Variants in CDK19 observed in about 807,000 individuals in gnomAD.
CDK19 encodes the protein cyclin-dependent kinase 19.
In CDK19, 20 loss-of-function variants were observed where a neutral mutation model predicts 68.3. That is an observed-to-expected ratio of 0.29 (90% CI 0.21 to 0.43). The LOEUF (loss-of-function observed/expected upper bound fraction) is 0.43, where lower values mean the gene tolerates loss of function less well. Ranked by LOEUF, CDK19 falls within the 20% of genes least tolerant of loss-of-function variation. CDK19 has a pLI of 1.00. For synonymous variants in CDK19, 221 were observed against 222.8 expected, an observed-to-expected ratio of 0.99 and a Z score of 0.07; for missense variants, 339 against 623.5, an observed-to-expected ratio of 0.54 and a Z score of 4.86.
chr6:110,718,589 ATAT>A (rs1775582670), intron 2 of CDK19, among the ~76,000 whole-genome samples: 1 of 151,302 alleles, frequency 6.6e-6, no homozygotes, highest in African/African-American at 2.4e-5. Flanking sequence ...GGCTGACATC[ATAT>A]CAGCAATAAC....
intron 2 of CDK19, among the ~76,000 whole-genome samples, chr6:110,741,525 G>C (rs1048650675): frequency 6.8e-6 from 1 of 148,096 alleles, no homozygotes; most frequent in African/African-American, 2.5e-5. Context: ...TTTCAAATTT[G>C]ATGAAAAACA....
At position 110,760,396 on chromosome 6, in the gene CDK19, C is replaced by CAAAAAAAAAAAAAAAAAAAAA. The variant is rs34613571; in HGVS notation, c.129-14216_129-14196dup. Among the ~76,000 whole-genome samples the CAAAAAAAAAAAAAAAAAAAAA allele has an allele frequency of 5.0e-5, 2 of 39,776 alleles. 1 individual carries two copies. Among genetic ancestry groups the CAAAAAAAAAAAAAAAAAAAAA allele is most frequent in the Non-Finnish European group, 8.9e-5 (2 of 22,348 alleles). 26.1% of individuals were successfully genotyped at this position (39,776 alleles called of 152,430 possible). A position where few individuals can be genotyped will look rare whatever the true frequency, so the allele number is the denominator to read the frequency against. On this transcript the variant is annotated intron_variant, in intron 1 of 12. Coordinates refer to ENST00000368911, the MANE Select transcript of CDK19 (RefSeq NM_015076.5). ...TGGGCCACAGAGCAAGGCTTTGTCT[C>CAAAAAAAAAAAAAAAAAAAAA]AAAAAAAAAAAAAAAAAAAAAAAAA...
intron 1 of CDK19, among the ~76,000 whole-genome samples, chr6:110,778,340 A>G (rs1375544428): frequency 6.6e-6 from 1 of 152,202 alleles, no homozygotes; most frequent in Non-Finnish European, 1.5e-5. Flanking sequence ...TGTCTTTCTT[A>G]AAAACATTAA....
intron 2 of CDK19, among the ~76,000 whole-genome samples, chr6:110,737,212 T>C (rs1777308872): frequency 6.6e-6 from 1 of 152,204 alleles, no homozygotes; most frequent in Admixed American, 6.6e-5. Context: ...CCATCCCATC[T>C]TCCCTTACCA....
chr6:110,814,825 G>T, intron 1 of CDK19, 184 bp downstream of exon 1: 1 of 783,380 alleles, frequency 1.3e-6, no homozygotes, highest in South Asian at 1.5e-5. Context: ...GGTACGCGAC[G>T]GGGCCGCGCG....
chr6:110,673,326 T>C (rs1344532579), intron 2 of CDK19, among the ~76,000 whole-genome samples: 1 of 152,176 alleles, frequency 6.6e-6, no homozygotes, highest in East Asian at 1.9e-4. Flanking sequence ...GTATAGACCA[T>C]ATTTCGTTTG....
rs1443955357 is a variant in CDK19 at position 110,621,163 on chromosome 6, G to C, written c.1318C>G (p.Pro440Ala). 6.2e-7 allele frequency: 1 copy of C among 1,614,142 alleles called. No homozygotes were observed. The highest frequency in any genetic ancestry group is 8.5e-7 in the Non-Finnish European group (1 of 1,180,028). Reference protein sequence around the residue: ...SLNQVPPNKKPRLGPSGANSG... With the variant: ...SLNQVPPNKKARLGPSGANSG... ...TTTGCGCCTGAAGGCCCTAGCCGTG[G>C]CTTCTTGTTTGGAGGCACCTGGTTC... Residue 440 changes from proline (P) to alanine (A), a missense_variant, in exon 12 of 13, where the codon CCA becomes GCA. By Grantham distance (27) the Pro-to-Ala change is conservative. Coordinates refer to ENST00000368911, the MANE Select transcript of CDK19 (RefSeq NM_015076.5). This position sits in a 1 kb window ranked among gnomAD's most constrained non-coding sequence, Gnocchi z 5.4.
chr6:110,721,747 C>T (rs1483952739), intron 2 of CDK19, among the ~76,000 whole-genome samples: 1 of 152,062 alleles, frequency 6.6e-6, no homozygotes, highest in African/African-American at 2.4e-5. Context: ...AGGCAGATCA[C>T]AAATCAAGGA....
intron 6 of CDK19, among the ~76,000 whole-genome samples, chr6:110,628,481 C>T (rs115344833): frequency 1.9e-4 from 29 of 152,278 alleles, no homozygotes; most frequent in African/African-American, 6.5e-4. Context: ...TCTCATGCTA[C>T]GCTCTCCATC....
At chr6:110,680,610 A>G (rs1248025055) in intron 2 of CDK19, among the ~76,000 whole-genome samples, 1 of 152,230 alleles carries the variant, frequency 6.6e-6, no homozygotes, top group African/African-American at 2.4e-5. Context: ...TGATAAGTAA[A>G]TTATGGTAAA....
rs1778740826 is a variant in CDK19 at position 110,621,852 on chromosome 6, C to T, written c.1110+236G>A. Among the ~76,000 whole-genome samples the T allele has an allele frequency of 6.6e-6, 1 of 152,046 alleles. No homozygotes were observed. Among genetic ancestry groups the T allele is most frequent in the Non-Finnish European group, 1.5e-5 (1 of 68,014 alleles). ...ACAGAAAGAGCAAGAAGTGGGAATC[C>T]GGGAGTAGAACTGGCTGTAACACAC... On this transcript the variant is annotated intron_variant, in intron 11 of 12. Transcript: ENST00000368911. The surrounding 1 kb of genome is among the most constrained non-coding windows in gnomAD (Gnocchi z 5.4).
chr6:110,812,121 T>G (rs1783148339), intron 1 of CDK19, among the ~76,000 whole-genome samples: 2 of 151,314 alleles, frequency 1.3e-5, no homozygotes, highest in Middle Eastern at 3.4e-3. Context: ...GGTGAACAAA[T>G]AACTTTTTTT....
At chr6:110,759,428 A>ATATATATATATATATATATATATATATAT (rs1554219514) in intron 1 of CDK19, among the ~76,000 whole-genome samples, 5 of 50,902 alleles carry the variant, frequency 9.8e-5, no homozygotes, top group Admixed American at 3.2e-4. Flanking sequence ...AAAAAAAAAA[A>ATATATATATATATATATATATATATATAT]ATATATATAT....
intron 2 of CDK19, among the ~76,000 whole-genome samples, chr6:110,709,882 C>T (rs1313059266): frequency 6.6e-6 from 1 of 152,090 alleles, no homozygotes; most frequent in African/African-American, 2.4e-5. Flanking sequence ...AATAAAACTT[C>T]TTATACACAA....
chr6:110,621,379 G>A lies in CDK19; in HGVS notation c.1111-9C>T, dbSNP rs1778706476. On this transcript the variant is annotated splice_polypyrimidine_tract_variant and intron_variant, in intron 11 of 12. Transcript: ENST00000368911. This position sits in a 1 kb window ranked among gnomAD's most constrained non-coding sequence, Gnocchi z 5.4. The stretch of plus-strand genomic sequence containing the variant: ...TGCTGCTGTTGCTGATTCTTTTAAG[G>A]GGAAAAAAGCAAGCTTGGTATGAAA... 9.8e-6 allele frequency: 15 copies of A among 1,526,868 alleles called. No homozygotes were observed. The highest frequency in any genetic ancestry group is 1.3e-5 in the Non-Finnish European group (15 of 1,139,472). 94.6% of individuals were successfully genotyped at this position (1,526,868 alleles called of 1,614,324 possible).
chr6:110,638,153 G>A (rs532632574), intron 5 of CDK19, among the ~76,000 whole-genome samples: 2 of 152,254 alleles, frequency 1.3e-5, no homozygotes, highest in East Asian at 3.9e-4. Flanking sequence ...AGCTAAGAGA[G>A]TCTGTAAACA....
At chr6:110,683,709 T>C (rs889235442) in intron 2 of CDK19, among the ~76,000 whole-genome samples, 1 of 149,532 alleles carries the variant, frequency 6.7e-6, no homozygotes, top group African/African-American at 2.5e-5. Flanking sequence ...ATCTTTTTTT[T>C]TTTTTTTTTT....
intron 2 of CDK19, among the ~76,000 whole-genome samples, chr6:110,714,315 T>C (rs1775199108): frequency 1.3e-5 from 2 of 152,244 alleles, no homozygotes; most frequent in South Asian, 4.1e-4. Context: ...ATTCATCAGC[T>C]GATGGATACG....
chr6:110,792,558 C>T (rs765868405), intron 1 of CDK19, among the ~76,000 whole-genome samples: 5 of 152,298 alleles, frequency 3.3e-5, no homozygotes, highest in Admixed American at 2.6e-4. Context: ...CAGACGCGTG[C>T]CACCACGCCC....
Sources: allele counts gnomAD v4.1 joint callset (sites outside exome capture counted in the v4.1 genomes callset), GRCh38; gene constraint gnomAD v4.1.1; non-coding constraint Gnocchi (gnomAD v3.1); transcripts MANE v1.5; gene names NCBI Gene and HGNC (gene_info 2026-07-23, HGNC 2026-07-21).